ANKRD26: variants seen among roughly 807,000 people sequenced by gnomAD.
ANKRD26 encodes ankyrin repeat domain-containing protein 26.
In ANKRD26, 141 loss-of-function variants were observed where a neutral mutation model predicts 208.7. The ratio of observed to expected loss-of-function variants is 0.68; its 90% CI spans 0.59 to 0.78. The LOEUF (loss-of-function observed/expected upper bound fraction) is 0.78. Among genes scored for constraint, ANKRD26 ranks in the 30% least tolerant of loss-of-function variants. The pLI is 0.00. For synonymous variants in ANKRD26, 636 were observed against 660.4 expected, an observed-to-expected ratio of 0.96 and a Z score of 0.57; for missense variants, 1,889 against 1,938.7, an observed-to-expected ratio of 0.97 and a Z score of 0.48.
At chr10:27,024,408 A>T in intron 28 of ANKRD26, 39 bp downstream of exon 28, 1 of 1,099,936 alleles carries the variant, frequency 9.1e-7, no homozygotes, top group Non-Finnish European at 1.4e-6. Flanking sequence ...TAAATCAATT[A>T]ATGAATGGTT....
rs2297150 is a variant in ANKRD26, at chr10:27,093,657, G to C, written c.357+28C>G. ...CTATGTATTTAAGTCAAATCCATCTGATGCTGAAAGAGCTGGCTACTATAT... is the reference window on the plus strand; with the variant it reads ...CTATGTATTTAAGTCAAATCCATCTCATGCTGAAAGAGCTGGCTACTATAT... On this transcript the variant is annotated intron_variant, in intron 2 of 33. Coordinates refer to ENST00000376087, the MANE Select transcript of ANKRD26 (RefSeq NM_014915.3). 202,678 of 1,603,346 alleles carry C rather than the reference G, an allele frequency of 0.13. 14,190 individuals are homozygous for C. The highest frequency in any genetic ancestry group is 0.28 in the East Asian group (12,472 of 44,820).
intron 3 of ANKRD26, among the ~76,000 whole-genome samples, chr10:26,986,862 G>A (rs1433507911): frequency 2.6e-5 from 4 of 152,238 alleles, no homozygotes; most frequent in East Asian, 1.9e-4. Flanking sequence ...CATTGTGGAA[G>A]TCAATGTGGC....
chr10:26,992,309 A>C (rs561838320), intron 5 of ANKRD26, among the ~76,000 whole-genome samples: 1 of 152,170 alleles, frequency 6.6e-6, no homozygotes, highest in South Asian at 2.1e-4. Context: ...TTAGAGGTAA[A>C]TAAGTCTCTG....
At chr10:27,001,099 A>G (rs974678623), downstream of ANKRD26, among the ~76,000 whole-genome samples, 1 of 152,210 alleles carries the variant, frequency 6.6e-6, no homozygotes, top group Non-Finnish European at 1.5e-5. Flanking sequence ...CAATTCCAAT[A>G]AAAAATGCTT....
the ANKRD26 span, among the ~76,000 whole-genome samples, chr10:26,964,103 T>A: frequency 6.6e-6 from 1 of 151,844 alleles, no homozygotes; most frequent in Non-Finnish European, 1.5e-5. Flanking sequence ...ACAGACAGGT[T>A]TCATCATATT....
At chr10:26,973,828 A>AT (rs1245241025), downstream of ANKRD26, among the ~76,000 whole-genome samples, 5 of 149,436 alleles carry the variant, frequency 3.3e-5, no homozygotes, top group Admixed American at 1.3e-4. Context: ...TAATTTTTGT[A>AT]TTTTTTTTAG....
chr10:27,003,129 C>T (rs770307858), downstream of ANKRD26, among the ~76,000 whole-genome samples: 17 of 152,200 alleles, frequency 1.1e-4, no homozygotes, highest in African/African-American at 3.9e-4. Context: ...CAAAGCCTAT[C>T]GACGGCATTA....
rs569204778 is a variant in ANKRD26, at chr10:26,992,000, C to T, written c.*35G>A. 4 of 152,290 alleles carry T rather than the reference C, an allele frequency of 2.6e-5. No homozygotes were observed. In the East Asian group the frequency reaches 7.7e-4, roughly 29 times the overall value. 9.4% of individuals were successfully genotyped at this position (152,290 alleles called of 1,614,324 possible). The stretch of plus-strand genomic sequence containing the variant: ...ATGACTTTGAGTTCTGTCCTTTGTC[C>T]TGCACCTGCGAAGATAAGCTATCAA... On this transcript the variant is annotated 3_prime_UTR_variant, in exon 6 of 6. Coordinates refer to the ANKRD26 transcript ENST00000445828.
chr10:27,084,481 A>G (rs956233552), intron 5 of ANKRD26, among the ~76,000 whole-genome samples: 4 of 152,202 alleles, frequency 2.6e-5, no homozygotes, highest in Non-Finnish European at 4.4e-5. Context: ...TCTTTGATAA[A>G]TATGTACCAA....
At chr10:26,989,762 T>G (rs967735466), downstream of ANKRD26, among the ~76,000 whole-genome samples, 1 of 152,140 alleles carries the variant, frequency 6.6e-6, no homozygotes, top group Non-Finnish European at 1.5e-5. Flanking sequence ...TCTTGGAGGT[T>G]AGACCTCCTG....
At chr10:26,953,128 G>T in the ANKRD26 span, among the ~76,000 whole-genome samples, 12 of 152,272 alleles carry the variant, frequency 7.9e-5, no homozygotes, top group Middle Eastern at 3.4e-3. Context: ...CAAAGAGATT[G>T]TAAATATAAT....
chr10:27,005,207 A>G lies in ANKRD26; in HGVS notation c.*383T>C. ...AATTGTAATACATCCAAACATGAAC[A>G]ATGACCACAGTTCCTGCACAACAAA... On this transcript the variant is annotated 3_prime_UTR_variant, in exon 34 of 34. Transcript: ENST00000376087. 1 of 997,226 alleles carries G rather than the reference A, an allele frequency of 1.0e-6. No homozygotes were observed. The highest frequency in any genetic ancestry group is 1.2e-6 in the Non-Finnish European group (1 of 837,592). The allele number at this position is 997,226 out of a possible 1,614,324, so 61.8% of individuals were successfully genotyped here. A position where few individuals can be genotyped will look rare whatever the true frequency, so the allele number is the denominator to read the frequency against.
At chr10:27,061,373 AGT>A (rs1210020822) in intron 12 of ANKRD26, 131 bp from the exon 13 acceptor site, 20 of 580,664 alleles carry the variant, frequency 3.4e-5, no homozygotes, top group Admixed American at 6.6e-5. Flanking sequence ...AAATCAATGC[AGT>A]GTTTATTTAA....
In ANKRD26 at chr10:27,033,159, T is replaced by C. The variant is rs2053933439; in HGVS notation, c.3807+66A>G. The C allele has an allele frequency of 3.1e-6, 4 of 1,274,374 alleles. No homozygotes were observed. In the South Asian group the frequency reaches 6.2e-5, roughly 20 times the overall value. 78.9% of individuals were successfully genotyped at this position (1,274,374 alleles called of 1,614,324 possible). The stretch of plus-strand genomic sequence containing the variant: ...AAGAAGGCTACCCACTAAATTAGTA[T>C]GATAAAACACTATATATTTAACCAG... On this transcript the variant is annotated intron_variant, in intron 25 of 33. Coordinates refer to ENST00000376087, the MANE Select transcript of ANKRD26 (RefSeq NM_014915.3).
chr10:27,074,621 C>T (rs2055628963), intron 9 of ANKRD26, among the ~76,000 whole-genome samples: 1 of 151,952 alleles, frequency 6.6e-6, no homozygotes, highest in South Asian at 2.1e-4. Flanking sequence ...GTGGAGGTTG[C>T]AGTGAGCTGA....
chr10:27,046,465 A>C lies in ANKRD26; in HGVS notation c.1873T>G (p.Ser625Ala), dbSNP rs750897838. The C allele has an allele frequency of 5.6e-6, 9 of 1,614,002 alleles. No individual in the cohort carries two copies. In the African/African-American group the frequency reaches 9.3e-5, roughly 17 times the overall value. ...ACTGGTGAATTCACAGATTCTTTCG[A>C]GGTCCGTTTTTCTTTTTCAGTGCTC... is the stretch of plus-strand genomic sequence containing the variant. ...VKSTEKEKRT[S>A]KESVNSPVFG... The change falls in exon 18 of 34, where the codon TCG becomes GCG. Residue 625 changes from serine (S) to alanine (A), a missense_variant. Around this residue, in one of 3 missense-constraint regions of ANKRD26, gnomAD observed 1,272 missense variants for 1,273.8 expected, o/e 1.00. Transcript: ENST00000376087.
chr10:27,048,745 T>A, intron 17 of ANKRD26, 56 bp downstream of exon 17: 2 of 1,538,654 alleles, frequency 1.3e-6, no homozygotes, highest in Non-Finnish European at 1.8e-6. Flanking sequence ...TAGTCCAAAT[T>A]AGAATTTTTA....
intron 25 of ANKRD26, 78 bp from the exon 26 acceptor site, chr10:27,029,434 A>G: frequency 2.2e-6 from 3 of 1,366,172 alleles, no homozygotes; most frequent in Non-Finnish European, 1.0e-6. Context: ...TTGTAACTAA[A>G]CCTTATCGGA....
the ANKRD26 span, among the ~76,000 whole-genome samples, chr10:26,966,455 G>C: frequency 6.6e-6 from 1 of 152,244 alleles, no homozygotes; most frequent in East Asian, 1.9e-4. Context: ...TACAGGGAGG[G>C]AAACAACACA....
Sources: allele counts gnomAD v4.1 joint callset (sites outside exome capture counted in the v4.1 genomes callset), GRCh38; gene constraint gnomAD v4.1.1; regional missense constraint gnomAD v4.1.1; transcripts MANE v1.5; gene names NCBI Gene and HGNC (gene_info 2026-07-23, HGNC 2026-07-21).